The following GRM7 variants were observed in gnomAD, a reference collection of about 807,000 sequenced individuals.
The protein encoded by GRM7 is metabotropic glutamate receptor 7.
A neutral mutation model predicts 84.5 loss-of-function variants in GRM7; 35 were observed. The ratio of observed to expected loss-of-function variants is 0.41; its 90% CI spans 0.32 to 0.55. The LOEUF (loss-of-function observed/expected upper bound fraction) is 0.55. GRM7 is among the 20% of genes least tolerant of loss of function. The pLI is 0.19. For synonymous variants in GRM7, 487 were observed against 455.1 expected (o/e 1.07, Z -0.89); for missense variants, 1,003 against 1,194.6 (o/e 0.84, Z 2.36).
At chr3:7,299,020 A>G (rs562721101) in intron 3 of GRM7, among the ~76,000 whole-genome samples, 195 bp downstream of exon 3, 2 of 152,306 alleles carry the variant, frequency 1.3e-5, no homozygotes, top group East Asian at 3.9e-4. Context: ...CTCTGTTAGC[A>G]AAATAAATGT....
At chr3:7,681,139 G>A (rs965634623) in intron 9 of GRM7, 11 of 152,126 alleles carry the variant, frequency 7.2e-5, no homozygotes, top group African/African-American at 2.4e-4. Flanking sequence ...TAAAATACTA[G>A]TTTTAAGATT....
chr3:7,140,899 A>T (rs546770131), intron 1 of GRM7, among the ~76,000 whole-genome samples: 9 of 152,004 alleles, frequency 5.9e-5, no homozygotes, highest in Non-Finnish European at 1.2e-4. Flanking sequence ...GGGCCATATG[A>T]TCTAGGAGTT....
intron 2 of GRM7, among the ~76,000 whole-genome samples, chr3:7,165,218 T>A (rs1694760949): frequency 6.6e-6 from 1 of 152,222 alleles, no homozygotes; most frequent in African/African-American, 2.4e-5. Context: ...CCATGGCGCA[T>A]CCCAGTAACT....
intron 8 of GRM7, chr3:7,607,852 C>G (rs1696661164): frequency 6.4e-6 from 1 of 156,826 alleles, no homozygotes; most frequent in African/African-American, 2.4e-5. Flanking sequence ...GCCCAGTAAC[C>G]AATAGTTACC....
chr3:7,299,790 G>A (rs1241203156), intron 3 of GRM7, among the ~76,000 whole-genome samples: 1 of 152,102 alleles, frequency 6.6e-6, no homozygotes, highest in Non-Finnish European at 1.5e-5. Flanking sequence ...CATAGGTACT[G>A]TAATTTATCT....
intron 9 of GRM7, chr3:7,686,533 A>T (rs1360149530): frequency 1.5e-6 from 1 of 666,148 alleles, no homozygotes; most frequent in Non-Finnish European, 2.8e-6. Flanking sequence ...ACTGTGCATG[A>T]TTACCTGAAA....
intron 1 of GRM7, among the ~76,000 whole-genome samples, chr3:7,073,603 A>G (rs1364417678): frequency 6.6e-6 from 1 of 151,878 alleles, no homozygotes. Flanking sequence ...TTAGAAAAAG[A>G]AACACTGCAT....
At chr3:7,473,012 A>G (rs946286383) in intron 7 of GRM7, among the ~76,000 whole-genome samples, 2 of 152,236 alleles carry the variant, frequency 1.3e-5, no homozygotes, top group Admixed American at 1.3e-4. Context: ...ACTTCTAGGT[A>G]TATACCCAGC....
chr3:7,662,704 C>T lies in GRM7; in HGVS notation c.2452-17345C>T, dbSNP rs67697479. ...GACTTTTAAATAGTTTAGCAAAAAG[C>T]GTAAAGAGAAAACAATAAGCAGGAA... On this transcript the variant is annotated intron_variant, in intron 8 of 9. Transcript: ENST00000357716. Among the ~76,000 whole-genome samples, 438 of 152,054 alleles carry T rather than the reference C, an allele frequency of 2.9e-3. 7 individuals carry two copies. The highest frequency in any genetic ancestry group is 0.017 in the Middle Eastern group (5 of 294).
intron 2 of GRM7, among the ~76,000 whole-genome samples, chr3:7,250,458 T>C (rs1697936823): frequency 2.0e-5 from 3 of 151,928 alleles, no homozygotes; most frequent in Middle Eastern, 6.8e-3. Context: ...CTATTATATA[T>C]ATATGTGTGT....
At chr3:7,569,806 C>T (rs981818696) in intron 7 of GRM7, among the ~76,000 whole-genome samples, 6 of 152,062 alleles carry the variant, frequency 3.9e-5, no homozygotes, top group Admixed American at 2.0e-4. Context: ...CTCCTGAGCC[C>T]GTGAGACCAC....
At position 7,131,020 on chromosome 3, in the gene GRM7, C is replaced by G. The variant is rs113188255; in HGVS notation, c.520-15432C>G. 2.8e-3 allele frequency among the ~76,000 whole-genome samples: 422 copies of G among 152,264 alleles called. 5 individuals are homozygous for G. Among genetic ancestry groups the G allele is most frequent in the African/African-American group, 9.0e-3 (375 of 41,556 alleles). On this transcript the variant is annotated intron_variant, in intron 1 of 9. Coordinates refer to ENST00000357716, the MANE Select transcript of GRM7 (RefSeq NM_000844.4). The stretch of plus-strand genomic sequence containing the variant: ...ATTAGTCCTGAATAAACTTCACTAG[C>G]ATTGTGAATTTAACGCTAAGACTTT...
intron 1 of GRM7, among the ~76,000 whole-genome samples, chr3:7,037,037 A>C (rs184469295): frequency 2.6e-5 from 4 of 152,222 alleles, no homozygotes; most frequent in African/African-American, 9.6e-5. Flanking sequence ...GTCTTAGGAC[A>C]TTGAAATATT....
At chr3:7,282,948 G>A (rs1699306111) in intron 2 of GRM7, among the ~76,000 whole-genome samples, 1 of 152,112 alleles carries the variant, frequency 6.6e-6, no homozygotes, top group Non-Finnish European at 1.5e-5. Flanking sequence ...CCTCGGCTTC[G>A]AGATTTAGGA....
At chr3:7,317,431 AG>A (rs1575160384) in intron 4 of GRM7, among the ~76,000 whole-genome samples, 1 of 152,162 alleles carries the variant, frequency 6.6e-6, no homozygotes, top group Admixed American at 6.6e-5. Flanking sequence ...TTTGCATATG[AG>A]GTCATGTTGA....
chr3:7,309,800 G>T (rs1249818976), intron 4 of GRM7, among the ~76,000 whole-genome samples: 1 of 152,098 alleles, frequency 6.6e-6, no homozygotes, highest in Non-Finnish European at 1.5e-5. Context: ...ATTTAATGAT[G>T]AAAGGAGCCA....
chr3:7,095,941 T>C (rs1331636643), intron 1 of GRM7, among the ~76,000 whole-genome samples: 1 of 152,170 alleles, frequency 6.6e-6, no homozygotes, highest in Non-Finnish European at 1.5e-5. Flanking sequence ...ATATATGTCA[T>C]ATATATTTTA....
chr3:7,439,941 C>T (rs1220350883), intron 5 of GRM7, among the ~76,000 whole-genome samples: 1 of 151,956 alleles, frequency 6.6e-6, no homozygotes, highest in Admixed American at 6.6e-5. Flanking sequence ...GTGTTCTCAG[C>T]AAACCTCCAG....
chr3:7,329,595 A>G (rs972206950), intron 4 of GRM7, among the ~76,000 whole-genome samples: 2 of 152,102 alleles, frequency 1.3e-5, no homozygotes, highest in Non-Finnish European at 2.9e-5. Context: ...GTGTACTATA[A>G]AAAAGGTGAT....
Sources: gnomAD v4.1 joint callset for allele counts (sites outside exome capture counted in the v4.1 genomes callset) on GRCh38, gnomAD v4.1.1 for gene constraint, MANE v1.5 for transcripts, NCBI Gene and HGNC (gene_info 2026-07-23, HGNC 2026-07-21) for gene names.